The following NALCN variants were observed in gnomAD, a reference collection of about 807,000 sequenced individuals.
The protein encoded by NALCN is sodium leak channel, non-selective.
A neutral mutation model predicts 225.3 loss-of-function variants in NALCN; 111 were observed. The ratio of observed to expected loss-of-function variants is 0.49; its 90% CI spans 0.42 to 0.58. The LOEUF is 0.58. NALCN is among the 20% of genes least tolerant of loss of function. NALCN has a pLI of 0.00. For synonymous variants in NALCN, 764 were observed against 769.0 expected (o/e 0.99, Z 0.11); for missense variants, 1,378 against 2,202.4 (o/e 0.63, Z 7.49).
chr13:101,346,087 C>CTATATATA lies in NALCN; in HGVS notation c.645-675_645-668dup, dbSNP rs71121188. On this transcript the variant is annotated intron_variant, in intron 6 of 43. Coordinates refer to ENST00000251127, the MANE Select transcript of NALCN (RefSeq NM_052867.4). ...TCTCTCTCTCTCTCTCTCTCTCTCTCTATATATATATATATATATATATAT... is the reference window on the plus strand; with the variant it reads ...TCTCTCTCTCTCTCTCTCTCTCTCTCTATATATATATATATATATATATATATATATAT... 1.6e-3 allele frequency among the ~76,000 whole-genome samples: 110 copies of CTATATATA among 70,934 alleles called. 2 individuals are homozygous for CTATATATA. The highest frequency in any genetic ancestry group is 1.9e-3 in the African/African-American group (34 of 17,810). The allele number at this position is 70,934 out of a possible 152,430, so 46.5% of individuals were successfully genotyped here. A position where few individuals can be genotyped will look rare whatever the true frequency, so the allele number is the denominator to read the frequency against.
At chr13:101,189,884 G>C (rs1047421238) in intron 14 of NALCN, among the ~76,000 whole-genome samples, 2 of 152,180 alleles carry the variant, frequency 1.3e-5, no homozygotes, top group Admixed American at 6.5e-5. Context: ...TTCATCTTGT[G>C]CTCTGTGGAT....
intron 6 of NALCN, chr13:101,368,575 G>A (rs1418169459): frequency 6.6e-6 from 1 of 152,140 alleles, no homozygotes; most frequent in East Asian, 1.9e-4. Flanking sequence ...GTTTTATTTT[G>A]AGTTTGGATA....
At chr13:101,278,300 G>A (rs112143687) in intron 10 of NALCN, among the ~76,000 whole-genome samples, 5 of 151,926 alleles carry the variant, frequency 3.3e-5, no homozygotes, top group South Asian at 2.1e-4. Flanking sequence ...CGAGGTGGGC[G>A]GATCATGAGG....
At chr13:101,248,418 G>A (rs756222188) in intron 11 of NALCN, among the ~76,000 whole-genome samples, 8 of 152,142 alleles carry the variant, frequency 5.3e-5, no homozygotes, top group Non-Finnish European at 8.8e-5. Flanking sequence ...AAGTTCCTGG[G>A]AAGTAGCCTC....
intron 15 of NALCN, among the ~76,000 whole-genome samples, chr13:101,168,858 C>T (rs1202726461): frequency 3.9e-5 from 6 of 152,132 alleles, no homozygotes; most frequent in African/African-American, 1.2e-4. Flanking sequence ...CTCTTAGTGT[C>T]GAGAAAGCCA....
chr13:101,082,991 C>T, intron 32 of NALCN, 101 bp downstream of exon 32: 1 of 1,552,056 alleles, frequency 6.4e-7, no homozygotes, highest in African/African-American at 1.4e-5. Context: ...ATTTTTACAC[C>T]CAAGAACATA....
At chr13:101,171,001 C>G (rs1383862299) in intron 15 of NALCN, among the ~76,000 whole-genome samples, 3 of 152,058 alleles carry the variant, frequency 2.0e-5, no homozygotes, top group Non-Finnish European at 4.4e-5. Context: ...GTGTACATTC[C>G]CCAGTGTCAT....
chr13:101,337,307 TA>T (rs1380187657), intron 7 of NALCN, among the ~76,000 whole-genome samples: 8 of 150,434 alleles, frequency 5.3e-5, no homozygotes, highest in African/African-American at 1.7e-4. Flanking sequence ...TTTATTTATT[TA>T]TTTATTTATT....
chr13:101,373,040 A>G (rs1307813110), intron 6 of NALCN: 2 of 389,834 alleles, frequency 5.1e-6, no homozygotes. Context: ...AAAGATAATC[A>G]GAGGGCATTT....
intron 12 of NALCN, among the ~76,000 whole-genome samples, chr13:101,230,440 G>T (rs543184555): frequency 5.3e-5 from 8 of 152,318 alleles, no homozygotes; most frequent in African/African-American, 1.9e-4. Context: ...GCAAGTGGTT[G>T]CCTGGGGCTA....
At chr13:101,344,051 C>T (rs2045640094) in intron 7 of NALCN, among the ~76,000 whole-genome samples, 1 of 152,148 alleles carries the variant, frequency 6.6e-6, no homozygotes, top group Non-Finnish European at 1.5e-5. Context: ...TCTAGTCATG[C>T]CCAGCTGTTG....
At chr13:101,244,245 T>C (rs923941231) in intron 11 of NALCN, among the ~76,000 whole-genome samples, 1 of 152,194 alleles carries the variant, frequency 6.6e-6, no homozygotes, top group African/African-American at 2.4e-5. Context: ...GCCTGAAAGA[T>C]ATTCCAATAG....
chr13:101,266,926 T>C (rs551956599), intron 10 of NALCN, among the ~76,000 whole-genome samples: 2 of 152,352 alleles, frequency 1.3e-5, no homozygotes, highest in East Asian at 1.9e-4. Context: ...GTAACACTTA[T>C]ATCAACACTG....
intron 11 of NALCN, among the ~76,000 whole-genome samples, chr13:101,256,163 T>G (rs2042222592): frequency 6.6e-6 from 1 of 152,198 alleles, no homozygotes; most frequent in African/African-American, 2.4e-5. Context: ...ATTTTATATT[T>G]CATTACTTAG....
intron 7 of NALCN, among the ~76,000 whole-genome samples, chr13:101,329,111 T>C (rs2045067619): frequency 6.6e-6 from 1 of 152,174 alleles, no homozygotes; most frequent in African/African-American, 2.4e-5. Flanking sequence ...AAAGCCTCTT[T>C]CAGTTCAACT....
chr13:101,336,511 C>T lies in NALCN; in HGVS notation c.799+8755G>A, dbSNP rs541906768. On this transcript the variant is annotated intron_variant, in intron 7 of 43. Transcript: ENST00000251127. ...GAAAGGCCCAATTAATTTATTGTTGCCAAAAGCAATTCATGAAGATTACAA... is the reference window on the plus strand; with the variant it reads ...GAAAGGCCCAATTAATTTATTGTTGTCAAAAGCAATTCATGAAGATTACAA... Among the ~76,000 whole-genome samples, 79 of 152,186 alleles carry T rather than the reference C, an allele frequency of 5.2e-4. 1 individual carries two copies. In the South Asian group the frequency reaches 0.016, roughly 30 times the overall value.
rs2038506673 is a variant in NALCN, at chr13:101,167,687, A to G, written c.1839+8613T>C. 3.6e-5 allele frequency among the ~76,000 whole-genome samples: 5 copies of G among 138,086 alleles called. No homozygotes were observed. In the South Asian group the frequency reaches 7.3e-4, roughly 20 times the overall value. The allele number at this position is 138,086 out of a possible 152,430, so 90.6% of individuals were successfully genotyped here. ...ACCCTGTCTCTACTGAAAATACAAA[A>G]ATTAGTTGGATTTGGTGGTGCATGC... On this transcript the variant is annotated intron_variant, in intron 15 of 43. Transcript: ENST00000251127.
intron 1 of NALCN, among the ~76,000 whole-genome samples, chr13:101,415,610 T>C (rs915546449): frequency 2.6e-5 from 4 of 152,202 alleles, no homozygotes; most frequent in Non-Finnish European, 4.4e-5. Flanking sequence ...CTTGCTGGTG[T>C]CTTAAAGATT....
chr13:101,058,446 T>C, intron 42 of NALCN: 1 of 143,510 alleles, frequency 7.0e-6, no homozygotes, highest in Non-Finnish European at 1.5e-5. Context: ...GTCACCAGCC[T>C]GGAGATCCAC....
Sources: gnomAD v4.1 joint callset for allele counts (sites outside exome capture counted in the v4.1 genomes callset) on GRCh38, gnomAD v4.1.1 for gene constraint, MANE v1.5 for transcripts, NCBI Gene and HGNC (gene_info 2026-07-23, HGNC 2026-07-21) for gene names.